CHRNA7: variants seen among roughly 807,000 people sequenced by gnomAD.
CHRNA7 encodes cholinergic receptor nicotinic alpha 7 subunit, also known as neuronal acetylcholine receptor subunit alpha-7.
Under a neutral mutation model 48.0 loss-of-function variants are expected in CHRNA7, and 17 were observed. The ratio of observed to expected loss-of-function variants is 0.35; its 90% CI spans 0.24 to 0.53. CHRNA7 has a LOEUF of 0.53. CHRNA7 is among the 20% of genes least tolerant of loss of function. CHRNA7 has a pLI of 0.92. For synonymous variants in CHRNA7, 75 were observed against 242.3 expected (o/e 0.31, Z 6.41); for missense variants, 155 against 577.7 (o/e 0.27, Z 7.50).
At chr15:32,148,249 C>T (rs1447103185) in intron 4 of CHRNA7, among the ~76,000 whole-genome samples, 1 of 152,156 alleles carries the variant, frequency 6.6e-6, no homozygotes, top group African/African-American at 2.4e-5. Context: ...TGCAGAGGCT[C>T]ATTCTGGTGA....
intron 3 of CHRNA7, chr15:32,102,606 T>G (rs967813680): frequency 6.6e-6 from 1 of 152,250 alleles, no homozygotes; most frequent in African/African-American, 2.4e-5. Context: ...TAAATTAAAA[T>G]TTTTAAGTAA....
At chr15:32,118,948 C>T (rs1425928946) in intron 4 of CHRNA7, among the ~76,000 whole-genome samples, 1 of 147,958 alleles carries the variant, frequency 6.8e-6, no homozygotes, top group East Asian at 2.0e-4. Flanking sequence ...ACAGCCAGTG[C>T]AGGGGCCCTG....
At chr15:32,095,011 A>G (rs2050444100) in intron 2 of CHRNA7, among the ~76,000 whole-genome samples, 1 of 152,226 alleles carries the variant, frequency 6.6e-6, no homozygotes, top group African/African-American at 2.4e-5. Context: ...AGAGCAATTG[A>G]TAGCCATTAC....
chr15:32,130,491 C>T (rs1473776615), intron 4 of CHRNA7, among the ~76,000 whole-genome samples: 3 of 150,414 alleles, frequency 2.0e-5, no homozygotes, highest in Non-Finnish European at 4.4e-5. Flanking sequence ...TATAGTTACT[C>T]TTGTGTTTTT....
At chr15:32,119,387 T>C (rs1422752057) in intron 4 of CHRNA7, among the ~76,000 whole-genome samples, 1 of 152,240 alleles carries the variant, frequency 6.6e-6, no homozygotes, top group Non-Finnish European at 1.5e-5. Context: ...TTTTATCTTT[T>C]AAAAAATCCA....
chr15:32,038,661 A>G (rs2049394783), intron 2 of CHRNA7, among the ~76,000 whole-genome samples: 1 of 152,180 alleles, frequency 6.6e-6, no homozygotes, highest in Admixed American at 6.6e-5. Context: ...GAGCCACCAC[A>G]ACGTGCTAAT....
intron 1 of CHRNA7, 92 bp from the exon 2 acceptor site, chr15:32,030,806 C>T (rs566670150): frequency 2.0e-6 from 3 of 1,526,828 alleles, no homozygotes; most frequent in Non-Finnish European, 1.8e-6. Flanking sequence ...TGGGCTGCAC[C>T]GGGTGGGCGG....
chr15:32,048,414 G>C lies in CHRNA7; in HGVS notation c.195+17377G>C, dbSNP rs187965393. On this transcript the variant is annotated intron_variant, in intron 2 of 9. Transcript: ENST00000306901. ...TTAGTTTTGGGAGAGTGTATGTGTC[G>C]AGGAATTTACCATTTCTTCTAGATT... Among the ~76,000 whole-genome samples, 216 of 152,242 alleles carry C rather than the reference G, an allele frequency of 1.4e-3. 3 individuals carry two copies. The Middle Eastern group carries it at 0.02, about 14-fold the overall frequency.
chr15:32,040,664 A>G (rs1299016570), intron 2 of CHRNA7, among the ~76,000 whole-genome samples: 3 of 151,722 alleles, frequency 2.0e-5, no homozygotes, highest in Non-Finnish European at 4.4e-5. Flanking sequence ...AAAGTATAAT[A>G]AAATACATTT....
At chr15:32,070,581 T>TA (rs1348693894) in intron 2 of CHRNA7, among the ~76,000 whole-genome samples, 1 of 151,708 alleles carries the variant, frequency 6.6e-6, no homozygotes, top group Non-Finnish European at 1.5e-5. Flanking sequence ...TATGTTTTCT[T>TA]AAAAAGGTTT....
chr15:32,040,733 A>C (rs972887692), intron 2 of CHRNA7, among the ~76,000 whole-genome samples: 1 of 151,918 alleles, frequency 6.6e-6, no homozygotes, highest in Non-Finnish European at 1.5e-5. Context: ...AGAAAAACAA[A>C]AGTTTTTATT....
At chr15:32,103,503 C>T (rs192168253) in intron 3 of CHRNA7, among the ~76,000 whole-genome samples, 1 of 147,078 alleles carries the variant, frequency 6.8e-6, no homozygotes, top group East Asian at 2.1e-4. Context: ...TGTGAGACTC[C>T]TGCAGAACCT....
At chr15:32,070,361 C>T (rs1055808803) in intron 2 of CHRNA7, among the ~76,000 whole-genome samples, 3 of 151,920 alleles carry the variant, frequency 2.0e-5, no homozygotes, top group Non-Finnish European at 4.4e-5. Context: ...TTTGAGAGTT[C>T]TTTATATATT....
chr15:32,150,896 A>G (rs754967320), intron 4 of CHRNA7, among the ~76,000 whole-genome samples: 6 of 151,928 alleles, frequency 3.9e-5, no homozygotes, highest in Non-Finnish European at 7.4e-5. Context: ...GAATATTTAC[A>G]TCTTGATCCT....
chr15:32,115,746 C>T (rs2141288162), intron 4 of CHRNA7, among the ~76,000 whole-genome samples: 1 of 152,124 alleles, frequency 6.6e-6, no homozygotes, highest in Admixed American at 6.5e-5. Context: ...CTTAGGGGCA[C>T]CTAGCAGGGC....
chr15:32,114,930 C>T (rs540188377), intron 4 of CHRNA7, among the ~76,000 whole-genome samples: 7 of 152,274 alleles, frequency 4.6e-5, no homozygotes, highest in Admixed American at 1.3e-4. Context: ...CTGGTGGGGA[C>T]GCCGGCCCTG....
In CHRNA7 at chr15:32,030,886, TCTCTC is replaced by T; in HGVS notation, c.56-9_56-5del. The T allele has an allele frequency of 1.2e-6, 2 of 1,612,950 alleles. No homozygotes were observed. Among genetic ancestry groups the T allele is most frequent in the Non-Finnish European group, 1.7e-6 (2 of 1,179,652 alleles). On this transcript the variant is annotated splice_region_variant and splice_polypyrimidine_tract_variant and intron_variant, in intron 1 of 9. Transcript: ENST00000306901. ...TGCCCTGAGCCCCCTGCCCGGGTCT[TCTCTC>T]CTTAAGTGTCCCTGCAAGGCGAGTT...
At chr15:32,108,408 CTG>C (rs978980446) in intron 3 of CHRNA7, among the ~76,000 whole-genome samples, 9 of 152,250 alleles carry the variant, frequency 5.9e-5, no homozygotes, top group Non-Finnish European at 1.3e-4. Flanking sequence ...GATCCCCACT[CTG>C]TGGAAAACGT....
At chr15:32,056,205 A>C (rs979012579) in intron 2 of CHRNA7, among the ~76,000 whole-genome samples, 11 of 152,172 alleles carry the variant, frequency 7.2e-5, no homozygotes, top group Admixed American at 6.5e-5. Context: ...TAGTGCTTAC[A>C]GTGTCATATT....
Sources: allele counts gnomAD v4.1 joint callset (sites outside exome capture counted in the v4.1 genomes callset), GRCh38; gene constraint gnomAD v4.1.1; transcripts MANE v1.5; gene names NCBI Gene and HGNC (gene_info 2026-07-23, HGNC 2026-07-21).